Variants in LNPEP observed in about 807,000 individuals in gnomAD.
The protein encoded by LNPEP is leucyl and cystinyl aminopeptidase.
A neutral mutation model predicts 120.6 loss-of-function variants in LNPEP; 64 were observed. The ratio of observed to expected loss-of-function variants is 0.53; its 90% CI spans 0.43 to 0.65. The LOEUF is 0.65. Among genes scored for constraint, LNPEP ranks in the 30% least tolerant of loss-of-function variants. LNPEP has a pLI of 0.00. For synonymous variants in LNPEP, 435 were observed against 425.4 expected (o/e 1.02, Z -0.28); for missense variants, 1,057 against 1,200.0 (o/e 0.88, Z 1.76).
In LNPEP at chr5:97,028,571, G is replaced by A; in HGVS notation, c.*38G>A. ...CACCTCATTTTGTTGCCCATTCAGA[G>A]AGCTTGTAAGCTTGGGCTCTGCCGC... is the stretch of plus-strand genomic sequence containing the variant. On this transcript the variant is annotated 3_prime_UTR_variant, in exon 18 of 18. Coordinates refer to ENST00000231368, the MANE Select transcript of LNPEP (RefSeq NM_005575.3). The A allele has an allele frequency of 6.2e-7, 1 of 1,608,170 alleles. No homozygotes were observed. Among genetic ancestry groups the A allele is most frequent in the African/African-American group, 1.3e-5 (1 of 74,768 alleles).
chr5:97,013,583 CAT>C (rs1790990060), intron 11 of LNPEP, 63 bp from the exon 12 acceptor site: 3 of 860,908 alleles, frequency 3.5e-6, no homozygotes, highest in South Asian at 3.2e-5. Context: ...ACAAAGCACT[CAT>C]AATTTTTTTT....
chr5:97,009,989 C>T (rs772043521), intron 11 of LNPEP, among the ~76,000 whole-genome samples: 4 of 151,682 alleles, frequency 2.6e-5, no homozygotes, highest in Admixed American at 1.3e-4. Flanking sequence ...TTCATGTGTT[C>T]TAATTCAAGG....
intron 1 of LNPEP, among the ~76,000 whole-genome samples, chr5:96,945,438 T>G (rs915016262): frequency 1.3e-5 from 2 of 148,298 alleles, no homozygotes; most frequent in Non-Finnish European, 3.0e-5. Context: ...ATCAGAAAGG[T>G]CTTTTTCTAT....
chr5:96,966,299 C>A (rs1789721118), intron 1 of LNPEP, among the ~76,000 whole-genome samples: 2 of 151,882 alleles, frequency 1.3e-5, no homozygotes, highest in South Asian at 4.2e-4. Flanking sequence ...GAGTTTAATA[C>A]CAGCCTGGGC....
intron 1 of LNPEP, 78 bp downstream of exon 1, chr5:96,936,252 C>G (rs1235355805): frequency 2.6e-6 from 3 of 1,162,546 alleles, no homozygotes; most frequent in Non-Finnish European, 3.3e-6. Flanking sequence ...CACGCGGGGT[C>G]GGGCTGCAGC....
Position 97,028,677 on chromosome 5 carries a change from CTG to C in LNPEP, c.*146_*147del. ...GAGTTCTAGTTAGCTCAGGGCCTGA[CTG>C]TATTTTTCATCCATCTTTTCTGAAG... On this transcript the variant is annotated 3_prime_UTR_variant, in exon 18 of 18. Transcript: ENST00000231368. 1.4e-6 allele frequency: 1 copy of C among 730,890 alleles called. No homozygotes were observed. The highest frequency in any genetic ancestry group is 2.3e-6 in the Non-Finnish European group (1 of 442,268). 45.3% of individuals were successfully genotyped at this position (730,890 alleles called of 1,614,324 possible). A position where few individuals can be genotyped will look rare whatever the true frequency, so the allele number is the denominator to read the frequency against.
intron 4 of LNPEP, among the ~76,000 whole-genome samples, chr5:96,988,343 T>C (rs1285567212): frequency 6.8e-6 from 1 of 146,266 alleles, no homozygotes; most frequent in Admixed American, 6.8e-5. Flanking sequence ...TCTTTTCTTT[T>C]TTTTTTTTTT....
chr5:97,027,629 G>A, intron 16 of LNPEP, 104 bp from the exon 17 acceptor site: 1 of 710,088 alleles, frequency 1.4e-6, no homozygotes, highest in Non-Finnish European at 2.5e-6. Context: ...CCGGGAGGAG[G>A]ATTCCACTCT....
intron 14 of LNPEP, 128 bp downstream of exon 14, chr5:97,022,612 A>G: frequency 1.4e-6 from 1 of 719,758 alleles, no homozygotes; most frequent in Non-Finnish European, 2.3e-6. Context: ...GGTGAACTCT[A>G]TGTATCTGCA....
chr5:97,010,054 G>A (rs1025078342), intron 11 of LNPEP, among the ~76,000 whole-genome samples: 1 of 152,096 alleles, frequency 6.6e-6, no homozygotes, highest in East Asian at 1.9e-4. Flanking sequence ...TTTGGTCAAT[G>A]TATTTGTCTC....
At chr5:96,971,574 T>TTA (rs1437088708) in intron 1 of LNPEP, among the ~76,000 whole-genome samples, 1 of 152,084 alleles carries the variant, frequency 6.6e-6, no homozygotes, top group Non-Finnish European at 1.5e-5. Context: ...GATGCTGTGT[T>TTA]TATTTTTCTT....
chr5:97,024,249 C>T (rs767037618), intron 14 of LNPEP, among the ~76,000 whole-genome samples: 1 of 152,188 alleles, frequency 6.6e-6, no homozygotes, highest in Non-Finnish European at 1.5e-5. Context: ...GACAGAGGCT[C>T]TCATTCCTTT....
chr5:97,014,255 A>C (rs1350808720), intron 12 of LNPEP, among the ~76,000 whole-genome samples: 2 of 152,124 alleles, frequency 1.3e-5, no homozygotes, highest in Non-Finnish European at 2.9e-5. Context: ...CAACCACCTC[A>C]TGCATTATAG....
At chr5:96,984,575 G>A (rs1186884144) in intron 2 of LNPEP, among the ~76,000 whole-genome samples, 2 of 151,982 alleles carry the variant, frequency 1.3e-5, no homozygotes, top group Non-Finnish European at 2.9e-5. Context: ...TCATTATTTT[G>A]TCATGCTTTA....
rs146892295 is a variant in LNPEP, at chr5:97,023,313, G to T, written c.2561+829G>T. Among the ~76,000 whole-genome samples, 1,271 of 152,090 alleles carry T rather than the reference G, an allele frequency of 8.4e-3. 13 individuals are homozygous for T. Among genetic ancestry groups the T allele is most frequent in the African/African-American group, 0.029 (1,207 of 41,470 alleles). On this transcript the variant is annotated intron_variant, in intron 14 of 17. Transcript: ENST00000231368. Reference sequence around the variant, plus strand: ...CTGTCACCCAGGCTGGAGTGCAGTGGCGCGATCTCAGCTCATTGCAACCTC... The same window carrying T: ...CTGTCACCCAGGCTGGAGTGCAGTGTCGCGATCTCAGCTCATTGCAACCTC...
intron 11 of LNPEP, among the ~76,000 whole-genome samples, chr5:97,006,862 C>G (rs1790799194): frequency 6.6e-6 from 1 of 152,094 alleles, no homozygotes; most frequent in Admixed American, 6.5e-5. Context: ...GCTGAGGCAA[C>G]TGCATTTTAA....
In LNPEP at chr5:96,954,616, CTCTATA is replaced by C. The variant is rs768225671; in HGVS notation, c.19+18444_19+18449del. Among the ~76,000 whole-genome samples the C allele has an allele frequency of 1.4e-3, 98 of 68,570 alleles. 14 individuals are homozygous for C. The highest frequency in any genetic ancestry group is 7.7e-3 in the South Asian group (21 of 2,720). 45.0% of individuals were successfully genotyped at this position (68,570 alleles called of 152,430 possible). On this transcript the variant is annotated intron_variant, in intron 1 of 17. Coordinates refer to ENST00000231368, the MANE Select transcript of LNPEP (RefSeq NM_005575.3). ...CTTGCAAGTCTCTCTCTCTCTCTCTCTCTATATATATATATACATATATACATATAT... is the reference window on the plus strand; with the variant it reads ...CTTGCAAGTCTCTCTCTCTCTCTCTCTATATATATACATATATACATATAT...
rs1344044490 is a variant in LNPEP at position 96,954,766 on chromosome 5, ATATATATTTTTTT to A, written c.19+18594_19+18606del. On this transcript the variant is annotated intron_variant, in intron 1 of 17. Transcript: ENST00000231368. ...TATATACACATATATATATATATATATATATATTTTTTTTTTTTTTTTTTTTTTTTTTTTGAGA... is the reference window on the plus strand; with the variant it reads ...TATATACACATATATATATATATATATTTTTTTTTTTTTTTTTTTTTGAGA... Among the ~76,000 whole-genome samples, 66 of 40,954 alleles carry A rather than the reference ATATATATTTTTTT, an allele frequency of 1.6e-3. 14 individuals are homozygous for A. The highest frequency in any genetic ancestry group is 2.4e-3 in the Non-Finnish European group (46 of 19,318). 26.9% of individuals were successfully genotyped at this position (40,954 alleles called of 152,430 possible). A position where few individuals can be genotyped will look rare whatever the true frequency, so the allele number is the denominator to read the frequency against.
At chr5:97,009,657 C>T (rs1314959370) in intron 11 of LNPEP, among the ~76,000 whole-genome samples, 2 of 148,870 alleles carry the variant, frequency 1.3e-5, no homozygotes, top group South Asian at 2.2e-4. Flanking sequence ...TCTGTTACTT[C>T]CTCTTCTCAA....
Sources: gnomAD v4.1 joint callset for allele counts (sites outside exome capture counted in the v4.1 genomes callset) on GRCh38, gnomAD v4.1.1 for gene constraint, MANE v1.5 for transcripts, NCBI Gene and HGNC (gene_info 2026-07-23, HGNC 2026-07-21) for gene names.